ZNF723: variants seen among roughly 807,000 people sequenced by gnomAD.
ZNF723 encodes the protein zinc finger protein 723.
ZNF723 carries 5 observed loss-of-function variants against 9.4 expected under a neutral mutation model. The ratio of observed to expected loss-of-function variants is 0.53; its 90% confidence interval spans 0.28 to 1.12. The LOEUF (loss-of-function observed/expected upper bound fraction) is 1.12. Ranked by LOEUF, ZNF723 falls within the 50% of genes most tolerant of loss-of-function variation. The pLI is 0.10. For synonymous variants in ZNF723, 158 were observed against 168.8 expected, an observed-to-expected ratio of 0.94 and a Z score of 0.49; for missense variants, 450 against 501.5, an observed-to-expected ratio of 0.90 and a Z score of 0.98.
intron 1 of ZNF723, among the ~76,000 whole-genome samples, chr19:22,844,018 G>T (rs1223228983): frequency 6.6e-6 from 1 of 152,086 alleles, no homozygotes; most frequent in Non-Finnish European, 1.5e-5. Flanking sequence ...ACTCTATTTG[G>T]GGTCTTGTTT....
At chr19:22,825,005 T>C in the ZNF723 span, among the ~76,000 whole-genome samples, 1 of 152,140 alleles carries the variant, frequency 6.6e-6, no homozygotes, top group Non-Finnish European at 1.5e-5. Context: ...GAGTGGTACA[T>C]GGAATGTCAT....
chr19:22,835,515 G>GT (rs1209812945), intron 1 of ZNF723, among the ~76,000 whole-genome samples: 5 of 151,878 alleles, frequency 3.3e-5, no homozygotes, highest in South Asian at 2.1e-4. Context: ...CGCATTTACC[G>GT]TTTTTTTTGT....
the ZNF723 span, among the ~76,000 whole-genome samples, chr19:22,819,424 G>A: frequency 2.0e-5 from 3 of 152,228 alleles, no homozygotes; most frequent in African/African-American, 4.8e-5. Flanking sequence ...CTTCCTCCTG[G>A]TCACTGCTCA....
chr19:22,848,096 C>CT (rs1426300150), intron 1 of ZNF723, among the ~76,000 whole-genome samples, 165 bp from the exon 2 acceptor site: 1 of 140,094 alleles, frequency 7.1e-6, no homozygotes, highest in Non-Finnish European at 1.5e-5. Context: ...GTGCAAGACT[C>CT]TGTCTTAAAA....
At chr19:22,826,717 A>G in the ZNF723 span, among the ~76,000 whole-genome samples, 1 of 152,208 alleles carries the variant, frequency 6.6e-6, no homozygotes, top group African/African-American at 2.4e-5. Flanking sequence ...TAACTGTCAT[A>G]CCTGGATCCA....
At chr19:22,839,230 A>G (rs1356282733) in intron 1 of ZNF723, among the ~76,000 whole-genome samples, 4 of 152,118 alleles carry the variant, frequency 2.6e-5, no homozygotes, top group Non-Finnish European at 5.9e-5. Context: ...TGTCTGTGCT[A>G]TTGTGAATAG....
In ZNF723 at chr19:22,841,392, C is replaced by T. The variant is rs200569888; in HGVS notation, c.4-6869C>T. ...TGTGGTGACTGTCTTTCTGGCTTGA[C>T]GATCTCTTGAGCAGATTGACTGTGA... On this transcript the variant is annotated intron_variant, in intron 1 of 3. Transcript: ENST00000600766. 1.6e-4 allele frequency among the ~76,000 whole-genome samples: 24 copies of T among 152,254 alleles called. No individual in the cohort carries two copies. The East Asian group carries it at 3.5e-3, about 22-fold the overall frequency.
chr19:22,824,679 C>T, the ZNF723 span, among the ~76,000 whole-genome samples: 2 of 151,968 alleles, frequency 1.3e-5, no homozygotes, highest in Non-Finnish European at 2.9e-5. Flanking sequence ...CTCTCAAATG[C>T]ACACCCAGCC....
the ZNF723 span, among the ~76,000 whole-genome samples, chr19:22,814,602 G>A: frequency 6.6e-6 from 1 of 152,204 alleles, no homozygotes; most frequent in African/African-American, 2.4e-5. Context: ...CCACCTTTGA[G>A]ATGGTGACTC....
the ZNF723 span, among the ~76,000 whole-genome samples, chr19:22,817,452 T>G: frequency 6.6e-6 from 1 of 152,092 alleles, no homozygotes; most frequent in African/African-American, 2.4e-5. Flanking sequence ...ACTCTTTCTA[T>G]AGAAAGATTA....
At chr19:22,856,767 GTATTT>G (rs1967485730) in intron 3 of ZNF723, among the ~76,000 whole-genome samples, 2 of 152,170 alleles carry the variant, frequency 1.3e-5, no homozygotes, top group Admixed American at 1.3e-4. Flanking sequence ...GTATGTGCCA[GTATTT>G]TACTTGTCTT....
At chr19:22,820,832 C>T in the ZNF723 span, among the ~76,000 whole-genome samples, 4 of 152,104 alleles carry the variant, frequency 2.6e-5, no homozygotes, top group Non-Finnish European at 4.4e-5. Context: ...TGAACAGAGC[C>T]CACTTTTGAG....
chr19:22,828,588 G>C (rs953660832), upstream of ZNF723, among the ~76,000 whole-genome samples: 3 of 152,058 alleles, frequency 2.0e-5, no homozygotes, highest in Non-Finnish European at 4.4e-5. Flanking sequence ...AGGAGGCAGA[G>C]GTTGCTGTGA....
upstream of ZNF723, among the ~76,000 whole-genome samples, chr19:22,830,458 G>A (rs900319131): frequency 6.6e-6 from 1 of 152,044 alleles, no homozygotes; most frequent in Non-Finnish European, 1.5e-5. Context: ...GTGAGGCGCC[G>A]TGTGCTTCTG....
At chr19:22,855,313 C>A (rs935987589) in intron 3 of ZNF723, among the ~76,000 whole-genome samples, 3 of 151,104 alleles carry the variant, frequency 2.0e-5, no homozygotes, top group Non-Finnish European at 4.4e-5. Context: ...ACTGCAACCT[C>A]CACCTCCCGG....
intron 3 of ZNF723, 32 bp downstream of exon 3, chr19:22,849,325 A>G: frequency 1.9e-6 from 1 of 524,222 alleles, no homozygotes; most frequent in Non-Finnish European, 3.5e-6. Context: ...TGGACAACAC[A>G]GATAAGACGT....
At chr19:22,815,137 C>G in the ZNF723 span, among the ~76,000 whole-genome samples, 1 of 152,068 alleles carries the variant, frequency 6.6e-6, no homozygotes, top group African/African-American at 2.4e-5. Flanking sequence ...TCACTGGGCC[C>G]AGAATCTAGG....
At chr19:22,853,317 T>C (rs1967424089) in intron 3 of ZNF723, among the ~76,000 whole-genome samples, 1 of 152,122 alleles carries the variant, frequency 6.6e-6, no homozygotes, top group African/African-American at 2.4e-5. Context: ...AGATTCCATA[T>C]ACTTTTGCTA....
chr19:22,813,758 C>G, the ZNF723 span, among the ~76,000 whole-genome samples: 3 of 151,080 alleles, frequency 2.0e-5, no homozygotes, highest in Admixed American at 2.0e-4. Context: ...AACAAACAAA[C>G]AAAAAAACTG....
Sources: gnomAD v4.1 joint callset for allele counts (sites outside exome capture counted in the v4.1 genomes callset) on GRCh38, gnomAD v4.1.1 for gene constraint, MANE v1.5 for transcripts, NCBI Gene and HGNC (gene_info 2026-07-23, HGNC 2026-07-21) for gene names.